Variants in SLC44A4 observed in about 807,000 individuals in gnomAD.
SLC44A4 encodes choline transporter-like protein 4.
SLC44A4 carries 74 observed loss-of-function variants against 97.0 expected under a neutral mutation model. The observed-to-expected ratio is 0.76, with a 90% confidence interval of 0.63 to 0.93. The LOEUF (loss-of-function observed/expected upper bound fraction) is 0.93, where lower values mean the gene tolerates loss of function less well. SLC44A4 is among the 40% of genes least tolerant of loss of function. SLC44A4 has a pLI of 0.00. For synonymous variants in SLC44A4, 325 were observed against 363.8 expected (o/e 0.89, Z 1.21); for missense variants, 799 against 902.9 (o/e 0.88, Z 1.48).
rs778671056 is a variant in SLC44A4 at position 31,874,946 on chromosome 6, G to A, written c.325C>T (p.Gln109Ter). 20 of 1,613,844 alleles carry A rather than the reference G, an allele frequency of 1.2e-5. No homozygotes were observed. Among genetic ancestry groups the A allele is most frequent in the Non-Finnish European group, 1.7e-5 (20 of 1,180,014 alleles). Residue 109 changes from glutamine to a stop codon, truncating the protein, a stop_gained, in exon 5 of 21, where the codon CAG (glutamine) becomes TAG (stop). Coordinates refer to ENST00000229729, the MANE Select transcript of SLC44A4 (RefSeq NM_025257.3). LOFTEE classifies it high-confidence loss of function. This position sits in a 1 kb window ranked among gnomAD's most constrained non-coding sequence, Gnocchi z 4.8. ...GCTCTGACCTGGGGTGTGGGGCACT[G>A]TAGGCCGTTCTCAGCAACTGAGATG... Reference protein sequence around the residue: ...NIISVAENGLQCPTPQVCVSS... With the variant: ...NIISVAENGL
At chr6:31,867,824 C>CTTT (rs3997888) in intron 13 of SLC44A4, among the ~76,000 whole-genome samples, 11 of 137,602 alleles carry the variant, frequency 8.0e-5, no homozygotes, top group African/African-American at 2.5e-4. Context: ...GTAAATAAAC[C>CTTT]TTTTTTTTTT....
intron 11 of SLC44A4, among the ~76,000 whole-genome samples, 199 bp downstream of exon 11, chr6:31,870,404 A>G (rs2151562068): frequency 6.6e-6 from 1 of 152,254 alleles, no homozygotes; most frequent in East Asian, 1.9e-4. Context: ...AATCCTCAAG[A>G]CAACCCTAGA....
Sources: allele counts gnomAD v4.1 joint callset (sites outside exome capture counted in the v4.1 genomes callset), GRCh38; gene constraint gnomAD v4.1.1; non-coding constraint Gnocchi (gnomAD v3.1); transcripts MANE v1.5; gene names NCBI Gene and HGNC (gene_info 2026-07-23, HGNC 2026-07-21).